MAPK4: variants seen among roughly 807,000 people sequenced by gnomAD.
The protein encoded by MAPK4 is Erk3-related.
MAPK4 carries 22 observed loss-of-function variants against 47.7 expected under a neutral mutation model. That is an observed-to-expected ratio of 0.46 (90% confidence interval 0.33 to 0.66). The LOEUF is 0.66. Ranked by LOEUF, MAPK4 falls within the 30% of genes least tolerant of loss-of-function variation. The pLI, the probability that MAPK4 is intolerant of heterozygous loss-of-function variation, is 0.02. For synonymous variants in MAPK4, 390 were observed against 365.7 expected, an observed-to-expected ratio of 1.07 and a Z score of -0.76; for missense variants, 736 against 831.7, an observed-to-expected ratio of 0.88 and a Z score of 1.42.
intron 2 of MAPK4, among the ~76,000 whole-genome samples, chr18:50,683,990 G>C (rs565350420): frequency 1.8e-4 from 28 of 152,278 alleles, no homozygotes; most frequent in African/African-American, 6.7e-4. Flanking sequence ...GACCCCTGTG[G>C]TCCCTTGTAG....
intron 1 of MAPK4, among the ~76,000 whole-genome samples, chr18:50,649,735 T>TA (rs2043028442): frequency 6.6e-6 from 1 of 152,208 alleles, no homozygotes; most frequent in Admixed American, 6.5e-5. Flanking sequence ...GGACTCTATA[T>TA]AAGCCTGCGG....
intron 1 of MAPK4, among the ~76,000 whole-genome samples, chr18:50,658,721 G>A (rs1334282890): frequency 6.6e-6 from 1 of 152,256 alleles, no homozygotes; most frequent in Non-Finnish European, 1.5e-5. Context: ...GCTGGGCCCT[G>A]AGGGCATCAA....
intron 1 of MAPK4, among the ~76,000 whole-genome samples, chr18:50,576,391 A>G (rs1038989213): frequency 3.9e-5 from 6 of 152,230 alleles, no homozygotes; most frequent in Non-Finnish European, 8.8e-5. Flanking sequence ...ACGTAGGAAC[A>G]GAAAACCAAA....
At chr18:50,610,091 G>C (rs1019104928) in intron 1 of MAPK4, among the ~76,000 whole-genome samples, 4 of 152,166 alleles carry the variant, frequency 2.6e-5, no homozygotes, top group Non-Finnish European at 5.9e-5. Flanking sequence ...TACCAACCAG[G>C]GTCATGGTTA....
chr18:50,720,060 G>A (rs1338035358), intron 3 of MAPK4, among the ~76,000 whole-genome samples: 1 of 152,162 alleles, frequency 6.6e-6, no homozygotes, highest in Non-Finnish European at 1.5e-5. Context: ...ACATGGAAAG[G>A]ACCTTCTTTC....
intron 1 of MAPK4, among the ~76,000 whole-genome samples, chr18:50,598,722 T>G (rs1014531918): frequency 6.6e-6 from 1 of 152,230 alleles, no homozygotes; most frequent in Non-Finnish European, 1.5e-5. Flanking sequence ...GAGTTTAGCA[T>G]TGCACTTAGT....
Position 50,664,335 on chromosome 18 carries a change from C to T in MAPK4, c.377C>T (p.Ala126Val). The T allele has an allele frequency of 6.2e-7, 1 of 1,613,800 alleles. No individual in the cohort carries two copies. The highest frequency in any genetic ancestry group is 8.5e-7 in the Non-Finnish European group (1 of 1,179,996). The change falls in exon 2 of 6, where the codon GCC (alanine) becomes GTC (valine). Residue 126 changes from alanine (A) to valine (V), a missense_variant. Ala to Val is a moderately conservative substitution (Grantham distance 64). Coordinates refer to ENST00000400384, the MANE Select transcript of MAPK4 (RefSeq NM_002747.4). This position sits in a 1 kb window ranked among gnomAD's most constrained non-coding sequence, Gnocchi z 6.0. Reference sequence around the variant, plus strand: ...CAGGGCACGCTGGCAGAAGAGCATGCCAAGCTGTTCATGTACCAGCTGCTC... The same window carrying T: ...CAGGGCACGCTGGCAGAAGAGCATGTCAAGCTGTTCATGTACCAGCTGCTC... Reference protein sequence around the residue: ...LEQGTLAEEHAKLFMYQLLRG... With the variant: ...LEQGTLAEEHVKLFMYQLLRG...
At chr18:50,706,551 C>A (rs1353908873) in intron 2 of MAPK4, among the ~76,000 whole-genome samples, 2 of 152,006 alleles carry the variant, frequency 1.3e-5, no homozygotes, top group African/African-American at 4.8e-5. Flanking sequence ...CCCTTGAAAG[C>A]CAGCGTGACA....
intron 1 of MAPK4, among the ~76,000 whole-genome samples, chr18:50,640,480 T>C (rs113437126): frequency 6.6e-6 from 1 of 152,214 alleles, no homozygotes; most frequent in African/African-American, 2.4e-5. Flanking sequence ...CTTTTCTTTT[T>C]TTTGACAGTC....
At position 50,678,007 on chromosome 18, in the gene MAPK4, G is replaced by C. The variant is rs34338499; in HGVS notation, c.546+13503G>C. Among the ~76,000 whole-genome samples, 4,125 of 152,240 alleles carry C rather than the reference G, an allele frequency of 0.027. 74 individuals are homozygous for C. Among genetic ancestry groups the C allele is most frequent in the Middle Eastern group, 0.061 (18 of 294 alleles). Reference sequence around the variant, plus strand: ...ACCTCCTCATAGGTAGAGTGGGCAGGTACTAACTAGTGCCATGTGAGCCTA... The same window carrying C: ...ACCTCCTCATAGGTAGAGTGGGCAGCTACTAACTAGTGCCATGTGAGCCTA... On this transcript the variant is annotated intron_variant, in intron 2 of 5. Coordinates refer to ENST00000400384, the MANE Select transcript of MAPK4 (RefSeq NM_002747.4). This position sits in a 1 kb window ranked among gnomAD's most constrained non-coding sequence, Gnocchi z 4.2.
chr18:50,585,567 T>A (rs1237688283), intron 1 of MAPK4, among the ~76,000 whole-genome samples: 1 of 152,192 alleles, frequency 6.6e-6, no homozygotes, highest in Non-Finnish European at 1.5e-5. Flanking sequence ...AGTATGAGTA[T>A]GACCTTGCCT....
intron 2 of MAPK4, among the ~76,000 whole-genome samples, chr18:50,665,859 T>A (rs1328529018): frequency 1.3e-5 from 2 of 152,164 alleles, no homozygotes; most frequent in Non-Finnish European, 2.9e-5. Context: ...GGAAGGAATG[T>A]CCATGGGCTG....
intron 1 of MAPK4, among the ~76,000 whole-genome samples, chr18:50,619,763 C>T (rs1038143700): frequency 1.3e-5 from 2 of 152,258 alleles, no homozygotes; most frequent in African/African-American, 2.4e-5. Flanking sequence ...GAAACCTACT[C>T]ATAATGCTAA....
chr18:50,584,503 T>C (rs1304421055), intron 1 of MAPK4, among the ~76,000 whole-genome samples: 1 of 152,196 alleles, frequency 6.6e-6, no homozygotes, highest in African/African-American at 2.4e-5. Flanking sequence ...TTGAAGATAG[T>C]GAAAATATGA....
chr18:50,630,656 C>T (rs2042820937), intron 1 of MAPK4, among the ~76,000 whole-genome samples: 1 of 152,228 alleles, frequency 6.6e-6, no homozygotes, highest in African/African-American at 2.4e-5. Flanking sequence ...CCTCTGCACT[C>T]CTCTGATCCT....
intron 1 of MAPK4, among the ~76,000 whole-genome samples, chr18:50,614,074 G>T (rs1035616668): frequency 6.6e-6 from 1 of 152,086 alleles, no homozygotes; most frequent in Non-Finnish European, 1.5e-5. Context: ...AAATGTTAAA[G>T]GTAATAGAAT....
chr18:50,677,068 C>T (rs1960967089), intron 2 of MAPK4, among the ~76,000 whole-genome samples: 1 of 152,156 alleles, frequency 6.6e-6, no homozygotes, highest in South Asian at 2.1e-4. Context: ...CTCATAGGAG[C>T]TCTAACCCTA....
At chr18:50,600,809 G>GA (rs562863530) in intron 1 of MAPK4, among the ~76,000 whole-genome samples, 1,494 of 145,802 alleles carry the variant, frequency 0.01, 14 homozygotes, top group African/African-American at 0.02. Context: ...TTTAAAAAGT[G>GA]AAAAAAAAAA....
intron 2 of MAPK4, among the ~76,000 whole-genome samples, chr18:50,669,010 C>T (rs780052657): frequency 1.3e-5 from 2 of 152,218 alleles, no homozygotes; most frequent in Non-Finnish European, 2.9e-5. Context: ...AGGGCTAAAT[C>T]ACTAACCAAA....
Sources: gnomAD v4.1 joint callset for allele counts (sites outside exome capture counted in the v4.1 genomes callset) on GRCh38, gnomAD v4.1.1 for gene constraint, Gnocchi (gnomAD v3.1) non-coding constraint, MANE v1.5 for transcripts, NCBI Gene and HGNC (gene_info 2026-07-23, HGNC 2026-07-21) for gene names.